The following MINK1 variants were observed in gnomAD, a reference collection of about 807,000 sequenced individuals.
MINK1 encodes misshapen like kinase 1, also known as misshapen-like kinase 1.
MINK1 carries 46 observed loss-of-function variants against 178.4 expected under a neutral mutation model. That is an observed-to-expected ratio of 0.26 (90% CI 0.20 to 0.33). The LOEUF is 0.33. Ranked by LOEUF, MINK1 falls within the 10% of genes least tolerant of loss-of-function variation. The pLI, the probability that MINK1 is intolerant of heterozygous loss-of-function variation, is 1.00. For missense variants in MINK1, 1,366 were observed against 1,814.9 expected (o/e 0.75, Z 4.49); for synonymous variants, 797 against 709.7 (o/e 1.12, Z -1.96).
Position 4,895,532 on chromosome 17 carries a change from G to T in MINK1, c.3229+39G>T. The T allele has an allele frequency of 6.4e-7, 1 of 1,552,306 alleles. No individual in the cohort carries two copies. The highest frequency in any genetic ancestry group is 8.7e-7 in the Non-Finnish European group (1 of 1,145,408). On this transcript the variant is annotated intron_variant, in intron 26 of 31. Coordinates refer to ENST00000355280, the MANE Select transcript of MINK1 (RefSeq NM_153827.5). The surrounding 1 kb of genome is among the most constrained non-coding windows in gnomAD (Gnocchi z 4.3). ...GAGTGGGGGAGGGAGGAGGGGCTCA[G>T]CTCCTTGGCGCTGTCACCATCTTCT...
chr17:4,885,169 A>G lies in MINK1; in HGVS notation c.508+167A>G, dbSNP rs934011548. ...TGGAATGCCCTGCCTCCTGCTGAAA[A>G]TCCCTCAGGAAGCTCTTCACCTGTC... is the stretch of plus-strand genomic sequence containing the variant. On this transcript the variant is annotated intron_variant, in intron 6 of 31. Transcript: ENST00000355280. This position sits in a 1 kb window ranked among gnomAD's most constrained non-coding sequence, Gnocchi z 5.0. 6.6e-6 allele frequency among the ~76,000 whole-genome samples: 1 copy of G among 151,342 alleles called. No individual in the cohort carries two copies. The highest frequency in any genetic ancestry group is 1.5e-5 in the Non-Finnish European group (1 of 67,866).
intron 1 of MINK1, among the ~76,000 whole-genome samples, chr17:4,837,552 G>T (rs530246742): frequency 6.6e-6 from 1 of 152,368 alleles, no homozygotes; most frequent in South Asian, 2.1e-4. Context: ...AAGAGAAAAT[G>T]TGGGCCTCTG....
Position 4,892,488 on chromosome 17 carries a change from C to A in MINK1, c.2174C>A (p.Pro725His). 6.4e-7 allele frequency: 1 copy of A among 1,562,298 alleles called. No homozygotes were observed. Among genetic ancestry groups the A allele is most frequent in the Non-Finnish European group, 8.7e-7 (1 of 1,153,738 alleles). The change falls in exon 18 of 32, where the codon CCC becomes CAC. Residue 725 changes from proline to histidine, a missense_variant. Pro to His is a moderately conservative substitution (Grantham distance 77). Coordinates refer to ENST00000355280, the MANE Select transcript of MINK1 (RefSeq NM_153827.5). ...AAGCCTCCAGGGCCCCCTGCTCAGC[C>A]CCCTGGCCCGCCCAACGCCTCTAGG... is the stretch of plus-strand genomic sequence containing the variant. ...TPKPPGPPAQ[P>H]PGPPNASSNP...
At chr17:4,866,124 G>A (rs369137764) in intron 1 of MINK1, among the ~76,000 whole-genome samples, 1 of 152,158 alleles carries the variant, frequency 6.6e-6, no homozygotes, top group East Asian at 1.9e-4. Flanking sequence ...ATTAATAGTC[G>A]TTAGGTTGGC....
intron 1 of MINK1, among the ~76,000 whole-genome samples, chr17:4,868,613 A>G (rs1308607665): frequency 6.6e-6 from 1 of 152,212 alleles, no homozygotes; most frequent in Non-Finnish European, 1.5e-5. Flanking sequence ...ATGGATGAAT[A>G]ATATTCGATT....
In MINK1 at chr17:4,881,664, A is replaced by C. The variant is rs139403369; in HGVS notation, c.306+407A>C. Among the ~76,000 whole-genome samples the C allele has an allele frequency of 3.7e-3, 558 of 152,362 alleles. 2 individuals are homozygous for C. The highest frequency in any genetic ancestry group is 6.3e-3 in the Admixed American group (96 of 15,302). On this transcript the variant is annotated intron_variant, in intron 4 of 31. Coordinates refer to ENST00000355280, the MANE Select transcript of MINK1 (RefSeq NM_153827.5). ...GCAACAGAACCAAAATATTTGTGGGAGATAACAGGGCCCAGACCCCTCCCA... is the reference window on the plus strand; with the variant it reads ...GCAACAGAACCAAAATATTTGTGGGCGATAACAGGGCCCAGACCCCTCCCA...
At position 4,896,204 on chromosome 17, in the gene MINK1, C is replaced by T; in HGVS notation, c.3477C>T (p.Asp1159=). Residue 1159 remains aspartate (D), a synonymous_variant, in exon 29 of 32, where the codon GAC becomes GAT. Transcript: ENST00000355280. This position sits in a 1 kb window ranked among gnomAD's most constrained non-coding sequence, Gnocchi z 4.6. ...HKFMAFKSFA[D]LPHRPLLVDL... is the part of the protein sequence containing the mutation. Reference sequence around the variant, plus strand: ...CCGGTTCTCTGCAGTCCTTTGCCGACCTCCCCCACCGCCCTCTGCTGGTCG... The same window carrying T: ...CCGGTTCTCTGCAGTCCTTTGCCGATCTCCCCCACCGCCCTCTGCTGGTCG... The T allele has an allele frequency of 1.9e-6, 3 of 1,597,260 alleles. No homozygotes were observed. The highest frequency in any genetic ancestry group is 2.6e-6 in the Non-Finnish European group (3 of 1,171,182).
At chr17:4,889,620 C>T in intron 12 of MINK1, 27 bp from the exon 13 acceptor site, 1 of 1,556,634 alleles carries the variant, frequency 6.4e-7, no homozygotes, top group Non-Finnish European at 8.7e-7. Flanking sequence ...CGGTATGGTT[C>T]TTAAGACCAC....
chr17:4,861,766 G>T (rs1380199576), intron 1 of MINK1: 1 of 183,380 alleles, frequency 5.5e-6, no homozygotes, highest in East Asian at 1.8e-4. Context: ...CTCCCAAGGT[G>T]CTGGGATTAC....
chr17:4,838,846 T>G (rs565280915), intron 1 of MINK1, among the ~76,000 whole-genome samples: 2 of 152,208 alleles, frequency 1.3e-5, no homozygotes, highest in African/African-American at 4.8e-5. Flanking sequence ...CCAGATTCTA[T>G]GGAAAGGATG....
At chr17:4,867,240 T>TG (rs936973814) in intron 1 of MINK1, among the ~76,000 whole-genome samples, 5 of 143,362 alleles carry the variant, frequency 3.5e-5, no homozygotes, top group Non-Finnish European at 7.5e-5. Flanking sequence ...CTCATCCTCC[T>TG]GGGCTCAAGT....
At chr17:4,864,537 C>T (rs1914650028) in intron 1 of MINK1, among the ~76,000 whole-genome samples, 1 of 151,506 alleles carries the variant, frequency 6.6e-6, no homozygotes, top group Non-Finnish European at 1.5e-5. Flanking sequence ...CCAGCCTGGC[C>T]AACATGGTGA....
chr17:4,885,683 G>A lies in MINK1; in HGVS notation c.639+70G>A. 6.3e-7 allele frequency: 1 copy of A among 1,592,790 alleles called. No individual in the cohort carries two copies. Among genetic ancestry groups the A allele is most frequent in the South Asian group, 1.1e-5 (1 of 89,236 alleles). On this transcript the variant is annotated intron_variant, in intron 7 of 31. Transcript: ENST00000355280. This position sits in a 1 kb window ranked among gnomAD's most constrained non-coding sequence, Gnocchi z 5.0. ...AAGCAATATGGGGACCACGGGGCCTGAGCAGGCTGGGGAACAGAGGAAGGT... is the reference window on the plus strand; with the variant it reads ...AAGCAATATGGGGACCACGGGGCCTAAGCAGGCTGGGGAACAGAGGAAGGT...
chr17:4,885,893 C>T lies in MINK1; in HGVS notation c.640-18C>T. The T allele has an allele frequency of 1.2e-6, 2 of 1,613,204 alleles. No individual in the cohort carries two copies. Among genetic ancestry groups the T allele is most frequent in the Non-Finnish European group, 1.7e-6 (2 of 1,179,326 alleles). ...AGTTGTCAGGAATATTCACTTGTTC[C>T]TTCTTTCCCGTCTATAGAGTGATAT... On this transcript the variant is annotated intron_variant, in intron 7 of 31. Coordinates refer to ENST00000355280, the MANE Select transcript of MINK1 (RefSeq NM_153827.5). The surrounding 1 kb of genome is among the most constrained non-coding windows in gnomAD (Gnocchi z 5.0).
In MINK1 at chr17:4,897,521, G is replaced by A. The variant is rs867174292; in HGVS notation, c.*234G>A. 6.6e-5 allele frequency: 34 copies of A among 517,216 alleles called. No individual in the cohort carries two copies. The South Asian group carries it at 7.7e-4, about 12-fold the overall frequency. 32.0% of individuals were successfully genotyped at this position (517,216 alleles called of 1,614,324 possible). A position where few individuals can be genotyped will look rare whatever the true frequency, so the allele number is the denominator to read the frequency against. On this transcript the variant is annotated 3_prime_UTR_variant, in exon 32 of 32. Coordinates refer to ENST00000355280, the MANE Select transcript of MINK1 (RefSeq NM_153827.5). ...TGCCTGTCCCCAGCTTCTGGGGAGG[G>A]ACACAGCTTCCCCTTCCCAGGAATT...
chr17:4,844,545 T>C (rs776161593), intron 1 of MINK1: 3 of 507,170 alleles, frequency 5.9e-6, no homozygotes, highest in African/African-American at 1.9e-5. Flanking sequence ...TACCTGGGTC[T>C]TTTTGAGGTG....
chr17:4,897,061 G>C, intron 31 of MINK1, 143 bp from the exon 32 acceptor site: 4 of 877,302 alleles, frequency 4.6e-6, no homozygotes, highest in Non-Finnish European at 7.2e-6. Context: ...TTTCCTCCGG[G>C]TGAGGGGCAC....
intron 21 of MINK1, 154 bp downstream of exon 21, chr17:4,893,751 C>A: frequency 8.4e-7 from 1 of 1,185,538 alleles, no homozygotes; most frequent in Non-Finnish European, 1.1e-6. Flanking sequence ...GTCTCTCTCC[C>A]GCTGCCCTGT....
chr17:4,856,127 T>C (rs1344407564), intron 1 of MINK1, among the ~76,000 whole-genome samples: 1 of 152,180 alleles, frequency 6.6e-6, no homozygotes, highest in African/African-American at 2.4e-5. Context: ...ACATTTAATC[T>C]GTCTCATGCT....
Sources: gnomAD v4.1 joint callset for allele counts (sites outside exome capture counted in the v4.1 genomes callset) on GRCh38, gnomAD v4.1.1 for gene constraint, Gnocchi (gnomAD v3.1) non-coding constraint, MANE v1.5 for transcripts, NCBI Gene and HGNC (gene_info 2026-07-23, HGNC 2026-07-21) for gene names.